MAMLD1: variants seen among roughly 807,000 people sequenced by gnomAD.
MAMLD1 encodes mastermind-like domain-containing protein 1.
MAMLD1 carries 14 observed loss-of-function variants against 45.0 expected under a neutral mutation model. The observed-to-expected ratio is 0.31, with a 90% CI of 0.21 to 0.49. The LOEUF (loss-of-function observed/expected upper bound fraction) is 0.49. Among genes scored for constraint, MAMLD1 ranks in the 20% least tolerant of loss-of-function variants. The pLI, the probability that MAMLD1 is intolerant of heterozygous loss-of-function variation, is 0.99. For missense variants in MAMLD1, 543 were observed against 603.6 expected (o/e 0.90, Z 1.05); for synonymous variants, 254 against 247.8 (o/e 1.02, Z -0.24).
intron 1 of MAMLD1, among the ~76,000 whole-genome samples, chrX:150,372,068 G>A (rs1379812742): frequency 8.9e-6 from 1 of 111,772 alleles, no homozygotes; most frequent in Admixed American, 9.5e-5. Context: ...TTCCTTTTGA[G>A]GCAGAGCAAA....
chrX:150,398,310 AG>A (rs1569564568), intron 1 of MAMLD1, among the ~76,000 whole-genome samples: 1 of 100,223 alleles, frequency 1.0e-5, no homozygotes, highest in East Asian at 3.1e-4. Flanking sequence ...AAGAAGAAGA[AG>A]AAGAAGAAGA....
chrX:150,512,140 G>C lies in MAMLD1; in HGVS notation c.*181G>C. 1 of 1,153,447 alleles carries C rather than the reference G, an allele frequency of 8.7e-7. No homozygotes were observed. The highest frequency in any genetic ancestry group is 1.1e-6 in the Non-Finnish European group (1 of 871,443). On this transcript the variant is annotated 3_prime_UTR_variant, in exon 8 of 8. Coordinates refer to ENST00000370401, the MANE Select transcript of MAMLD1 (RefSeq NM_005491.5). Reference sequence around the variant, plus strand: ...GAATGATCCCACTCACCAGGCACCAGAGCTGCGAGGGCATGGGAGTGATCT... The same window carrying C: ...GAATGATCCCACTCACCAGGCACCACAGCTGCGAGGGCATGGGAGTGATCT...
chrX:150,400,221 G>A (rs1167097271), intron 1 of MAMLD1, among the ~76,000 whole-genome samples: 2 of 111,842 alleles, frequency 1.8e-5, no homozygotes, highest in Non-Finnish European at 3.8e-5. Context: ...CTCTATCTCA[G>A]CATCCCTTAT....
chrX:150,427,981 G>A (rs1239669777), intron 1 of MAMLD1, among the ~76,000 whole-genome samples: 2 of 111,134 alleles, frequency 1.8e-5, no homozygotes, highest in African/African-American at 6.6e-5. Context: ...TGGGCATTAG[G>A]GATCCAGCAG....
At chrX:150,441,017 T>C (rs1209409940) in intron 1 of MAMLD1, among the ~76,000 whole-genome samples, 1 of 104,604 alleles carries the variant, frequency 9.6e-6, no homozygotes, top group Non-Finnish European at 1.9e-5. Flanking sequence ...TATTAATATT[T>C]AATAATTTAA....
At chrX:150,368,779 T>C (rs1441857691) in intron 1 of MAMLD1, among the ~76,000 whole-genome samples, 3 of 112,490 alleles carry the variant, frequency 2.7e-5, no homozygotes, top group South Asian at 3.7e-4. Flanking sequence ...TTTCTACATA[T>C]GGCTAGCCAG....
chrX:150,444,501 T>C (rs782573379), intron 1 of MAMLD1, among the ~76,000 whole-genome samples: 1 of 111,963 alleles, frequency 8.9e-6, no homozygotes, highest in South Asian at 3.8e-4. Context: ...CCAAGGTCCC[T>C]AACCAGTATA....
intron 6 of MAMLD1, among the ~76,000 whole-genome samples, chrX:150,506,669 T>C (rs1260723099): frequency 8.9e-6 from 1 of 112,386 alleles, no homozygotes; most frequent in Non-Finnish European, 1.9e-5. Context: ...GAATTGGTAA[T>C]GAGATCATTC....
intron 1 of MAMLD1, among the ~76,000 whole-genome samples, chrX:150,388,967 G>T (rs1281162011): frequency 5.4e-5 from 6 of 111,735 alleles, no homozygotes; most frequent in Non-Finnish European, 1.1e-4. Context: ...TATGCTTTTA[G>T]TGCTATACAT....
chrX:150,468,978 A>AGAGTGT (rs1557406113), intron 3 of MAMLD1, among the ~76,000 whole-genome samples: 2 of 100,693 alleles, frequency 2.0e-5, no homozygotes, highest in Non-Finnish European at 4.0e-5. Flanking sequence ...AATGTGTGAG[A>AGAGTGT]GTGTGTGTGT....
chrX:150,453,276 A>G (rs1251149367), intron 2 of MAMLD1, among the ~76,000 whole-genome samples: 1 of 112,291 alleles, frequency 8.9e-6, no homozygotes, highest in Non-Finnish European at 1.9e-5. Flanking sequence ...ACGCCCAGTC[A>G]TTAACATATT....
At chrX:150,452,344 G>C (rs2035691533) in intron 2 of MAMLD1, among the ~76,000 whole-genome samples, 1 of 111,905 alleles carries the variant, frequency 8.9e-6, no homozygotes, top group Non-Finnish European at 1.9e-5. Flanking sequence ...GAAACTACCT[G>C]GCCTTCAGAG....
At chrX:150,406,590 A>T (rs1557402685) in intron 1 of MAMLD1, among the ~76,000 whole-genome samples, 2 of 112,047 alleles carry the variant, frequency 1.8e-5, no homozygotes, top group African/African-American at 6.5e-5. Context: ...TTCCATCAAG[A>T]TAGTAACACA....
intron 1 of MAMLD1, among the ~76,000 whole-genome samples, chrX:150,403,996 G>GAA (rs1244362021): frequency 7.7e-4 from 57 of 73,931 alleles, no homozygotes; most frequent in Admixed American, 2.5e-3. Flanking sequence ...AAGAAAGAAA[G>GAA]AAGAAAGGAA....
In MAMLD1 at chrX:150,469,901, G is replaced by A. The variant is rs781883319; in HGVS notation, c.328G>A (p.Val110Ile). 2.5e-6 allele frequency: 3 copies of A among 1,211,764 alleles called. No homozygotes were observed. The highest frequency in any genetic ancestry group is 1.8e-5 in the South Asian group (1 of 56,988). The change falls in exon 4 of 8, where the codon GTC becomes ATC. Residue 110 changes from valine (V) to isoleucine (I), a missense_variant. Val to Ile is a conservative substitution (Grantham distance 29). Transcript: ENST00000370401. ...TAGTACTGCTTGTGCAGAACTGCAGGTCCCTCCATTGACAATAAATCCTAG... is the reference window on the plus strand; with the variant it reads ...TAGTACTGCTTGTGCAGAACTGCAGATCCCTCCATTGACAATAAATCCTAG... Reference protein sequence around the residue: ...HPSTACAELQVPPLTINPSPA... With the variant: ...HPSTACAELQIPPLTINPSPA...
At chrX:150,426,314 T>A (rs1249007099) in intron 1 of MAMLD1, among the ~76,000 whole-genome samples, 3 of 112,373 alleles carry the variant, frequency 2.7e-5, no homozygotes, top group Admixed American at 1.9e-4. Flanking sequence ...GACAGTGGCT[T>A]GAGGAGTCTA....
rs1400216553 is a variant in MAMLD1 at position 150,470,259 on chromosome X, A to T, written c.686A>T (p.His229Leu). Reference sequence around the variant, plus strand: ...CCCAAGCCTTCGGTTCAGATGTCACACTTGGAGAGCCTGGCTTCCAGCAAG... The same window carrying T: ...CCCAAGCCTTCGGTTCAGATGTCACTCTTGGAGAGCCTGGCTTCCAGCAAG... ...TTPKPSVQMS[H>L]LESLASSKEF... The change falls in exon 4 of 8, where the codon CAC (histidine) becomes CTC (leucine). Residue 229 changes from histidine to leucine, a missense_variant. His to Leu is a moderately conservative substitution (Grantham distance 99). Coordinates refer to ENST00000370401, the MANE Select transcript of MAMLD1 (RefSeq NM_005491.5). 2.5e-6 allele frequency: 3 copies of T among 1,210,371 alleles called. No individual in the cohort carries two copies. Among genetic ancestry groups the T allele is most frequent in the Non-Finnish European group, 3.4e-6 (3 of 894,427 alleles).
chrX:150,416,376 T>C (rs1479185525), intron 1 of MAMLD1, among the ~76,000 whole-genome samples: 2 of 111,572 alleles, frequency 1.8e-5, no homozygotes, highest in Non-Finnish European at 3.8e-5. Context: ...ATCATATTGT[T>C]TTAACTGTGG....
At chrX:150,403,879 GAAAGAAAGAAGAAAGAA>G (rs1160564358) in intron 1 of MAMLD1, among the ~76,000 whole-genome samples, 1,843 of 85,201 alleles carry the variant, frequency 0.022, 28 homozygotes, top group South Asian at 0.041. Context: ...AGAAAGAAAG[GAAAGAAAGAAGAAAGAA>G]AAAGAAAGAA....
Sources: allele counts gnomAD v4.1 joint callset (sites outside exome capture counted in the v4.1 genomes callset), GRCh38; gene constraint gnomAD v4.1.1; transcripts MANE v1.5; gene names NCBI Gene and HGNC (gene_info 2026-07-23, HGNC 2026-07-21).